The following NAV2 variants were observed in gnomAD, a reference collection of about 807,000 sequenced individuals.
NAV2 encodes the protein helicase, APC down-regulated 1.
Under a neutral mutation model 223.2 loss-of-function variants are expected in NAV2, and 54 were observed. The ratio of observed to expected loss-of-function variants is 0.24; its 90% CI spans 0.19 to 0.30. The LOEUF (loss-of-function observed/expected upper bound fraction) is 0.30. NAV2 is among the 10% of genes least tolerant of loss of function. NAV2 has a pLI of 1.00. For synonymous variants in NAV2, 1,279 were observed against 1,239.3 expected, an observed-to-expected ratio of 1.03 and a Z score of -0.67; for missense variants, 2,806 against 3,147.5, an observed-to-expected ratio of 0.89 and a Z score of 2.60.
At chr11:19,719,498 G>A (rs1222371413) in intron 1 of NAV2, among the ~76,000 whole-genome samples, 2 of 152,096 alleles carry the variant, frequency 1.3e-5, no homozygotes, top group African/African-American at 2.4e-5. Flanking sequence ...TTATAGGTTG[G>A]GGGTGAGGGT....
intron 12 of NAV2, among the ~76,000 whole-genome samples, chr11:20,039,975 G>A (rs762858597): frequency 2.8e-4 from 42 of 152,282 alleles, no homozygotes; most frequent in Admixed American, 6.5e-4. Context: ...CTGCTCACCC[G>A]CTGGGTAAGT....
rs116848696 is a variant in NAV2, at chr11:19,669,398, A to G, written c.76-163086A>G. Among the ~76,000 whole-genome samples the G allele has an allele frequency of 7.9e-5, 12 of 152,222 alleles. No individual in the cohort carries two copies. In the East Asian group the frequency reaches 2.3e-3, roughly 29 times the overall value. On this transcript the variant is annotated intron_variant, in intron 1 of 37. Transcript: ENST00000360655. Reference sequence around the variant, plus strand: ...AGTGGCTCTACCATGTACCTGCTATATGGGGTTGGGCAAGTGACTTACCCT... The same window carrying G: ...AGTGGCTCTACCATGTACCTGCTATGTGGGGTTGGGCAAGTGACTTACCCT...
At chr11:19,558,597 C>T (rs1389458470) in intron 1 of NAV2, among the ~76,000 whole-genome samples, 2 of 152,224 alleles carry the variant, frequency 1.3e-5, no homozygotes, top group Admixed American at 1.3e-4. Flanking sequence ...GGCCCAATGG[C>T]AGCAGGCTAG....
intron 1 of NAV2, among the ~76,000 whole-genome samples, chr11:19,522,932 A>G (rs1362879979): frequency 6.6e-6 from 1 of 152,226 alleles, no homozygotes; most frequent in Non-Finnish European, 1.5e-5. Context: ...ATTATTGGGA[A>G]TAATGATGGC....
At position 20,114,765 on chromosome 11, in the gene NAV2, GC is replaced by G; in HGVS notation, c.7140del (p.Ser2381ValfsTer8). The G allele has an allele frequency of 1.2e-6, 2 of 1,613,822 alleles. No individual in the cohort carries two copies. Among genetic ancestry groups the G allele is most frequent in the Non-Finnish European group, 1.7e-6 (2 of 1,179,934 alleles). On this transcript the variant is annotated frameshift_variant, in exon 37 of 38. Transcript: ENST00000349880. LOFTEE classifies it high-confidence loss of function. ...GGGAGGGATCGACAAGCAAGCAGAT[GC>G]CCCCCAGTGATGCTGAAGGTGACCC... ...PREGSTSKQM[P>X]PSDAEGDPLM...
intron 1 of NAV2, among the ~76,000 whole-genome samples, chr11:19,680,039 T>A (rs893172060): frequency 6.6e-6 from 1 of 152,060 alleles, no homozygotes. Context: ...GGCCATCCCA[T>A]TTGGCTGGAG....
chr11:19,820,144 G>T (rs1421370163), intron 1 of NAV2, among the ~76,000 whole-genome samples: 1 of 152,256 alleles, frequency 6.6e-6, no homozygotes, highest in Non-Finnish European at 1.5e-5. Context: ...GACCAGACCA[G>T]AGAGAGGCCT....
rs1281822056 is a variant in NAV2, at chr11:19,790,681, A to G, written c.268-41803A>G. On this transcript the variant is annotated intron_variant, in intron 1 of 37. Transcript: ENST00000349880. ...GTTGAATAGATTAGAGATTATGTGT[A>G]TGAGGCACCTACCTGCCTGTATAGT... Among the ~76,000 whole-genome samples, 4 of 152,194 alleles carry G rather than the reference A, an allele frequency of 2.6e-5. No homozygotes were observed. In the East Asian group the frequency reaches 5.8e-4, roughly 22 times the overall value.
At chr11:19,679,641 G>A (rs949205674) in intron 1 of NAV2, among the ~76,000 whole-genome samples, 9 of 152,046 alleles carry the variant, frequency 5.9e-5, no homozygotes, top group Non-Finnish European at 8.8e-5. Flanking sequence ...CAAACATCAC[G>A]TCCTTTAGGG....
chr11:19,857,223 T>C (rs529126730), intron 3 of NAV2, among the ~76,000 whole-genome samples: 10 of 152,360 alleles, frequency 6.6e-5, no homozygotes, highest in African/African-American at 2.4e-4. Context: ...GCATTTATAT[T>C]CTGCTACCTC....
chr11:20,088,704 G>A (rs1015920147), intron 26 of NAV2, among the ~76,000 whole-genome samples: 4 of 152,180 alleles, frequency 2.6e-5, no homozygotes, highest in Non-Finnish European at 5.9e-5. Flanking sequence ...GTGCCAAGAA[G>A]GTATTTTCTC....
At chr11:19,542,334 T>G (rs1361882066) in intron 1 of NAV2, among the ~76,000 whole-genome samples, 1 of 152,242 alleles carries the variant, frequency 6.6e-6, no homozygotes, top group Non-Finnish European at 1.5e-5. Flanking sequence ...GGGTAGATAC[T>G]ATAATACGAT....
intron 1 of NAV2, among the ~76,000 whole-genome samples, chr11:19,555,827 T>C (rs949238717): frequency 1.3e-5 from 2 of 152,074 alleles, no homozygotes; most frequent in African/African-American, 4.8e-5. Context: ...AAGATGTACC[T>C]TCCTCGAGCC....
chr11:20,018,118 C>A lies in NAV2; in HGVS notation c.2769-17841C>A, dbSNP rs960726344. Among the ~76,000 whole-genome samples, 147 of 152,102 alleles carry A rather than the reference C, an allele frequency of 9.7e-4. 4 individuals carry two copies. Among genetic ancestry groups the A allele is most frequent in the Non-Finnish European group, 1.8e-4 (12 of 68,026 alleles). ...CCTGTAATCCCAGCACTTTGGGAGGCCAAGGCAGGCGGATCACTTGAGATC... is the reference window on the plus strand; with the variant it reads ...CCTGTAATCCCAGCACTTTGGGAGGACAAGGCAGGCGGATCACTTGAGATC... On this transcript the variant is annotated intron_variant, in intron 11 of 37. Coordinates refer to ENST00000349880, the MANE Select transcript of NAV2 (RefSeq NM_145117.5).
intron 10 of NAV2, among the ~76,000 whole-genome samples, chr11:19,966,136 G>T (rs569122525): frequency 1.3e-5 from 2 of 152,262 alleles, no homozygotes; most frequent in South Asian, 4.1e-4. Flanking sequence ...ATACTGTATT[G>T]GTCAAAGCAG....
At chr11:19,884,388 A>G in intron 5 of NAV2, 1 of 1,592,322 alleles carries the variant, frequency 6.3e-7, no homozygotes, top group Non-Finnish European at 8.6e-7. Flanking sequence ...TGTCCTGCAA[A>G]GCATGGTTTA....
intron 1 of NAV2, among the ~76,000 whole-genome samples, chr11:19,646,769 G>A (rs952860204): frequency 1.3e-5 from 2 of 152,186 alleles, no homozygotes; most frequent in East Asian, 3.8e-4. Context: ...TTGTGAGGTA[G>A]GCATTATAGA....
At chr11:20,063,229 A>G (rs1166644641) in intron 20 of NAV2, among the ~76,000 whole-genome samples, 1 of 152,214 alleles carries the variant, frequency 6.6e-6, no homozygotes, top group East Asian at 1.9e-4. Flanking sequence ...TATAGTACAC[A>G]CAGCTCAGAG....
intron 1 of NAV2, among the ~76,000 whole-genome samples, chr11:19,612,150 G>A (rs1209647670): frequency 6.6e-6 from 1 of 152,214 alleles, no homozygotes; most frequent in Admixed American, 6.5e-5. Flanking sequence ...TTCAGCCATG[G>A]CTGGAGCAGC....
Sources: gnomAD v4.1 joint callset for allele counts (sites outside exome capture counted in the v4.1 genomes callset) on GRCh38, gnomAD v4.1.1 for gene constraint, MANE v1.5 for transcripts, NCBI Gene and HGNC (gene_info 2026-07-23, HGNC 2026-07-21) for gene names.